PPFIBP2: variants seen among roughly 807,000 people sequenced by gnomAD.
PPFIBP2 encodes the protein liprin-beta-2.
In PPFIBP2, 118 loss-of-function variants were observed where a neutral mutation model predicts 118.3. The observed-to-expected ratio is 1.00, with a 90% CI of 0.86 to 1.16. The LOEUF (loss-of-function observed/expected upper bound fraction) is 1.16. Among genes scored for constraint, PPFIBP2 ranks in the 50% most tolerant of loss-of-function variants. The probability of loss-of-function intolerance (pLI) is 0.00; values close to 1 mark genes in which losing one functional copy is unlikely to be tolerated. For synonymous variants in PPFIBP2, 414 were observed against 397.4 expected (o/e 1.04, Z -0.50); for missense variants, 1,195 against 1,073.1 (o/e 1.11, Z -1.59).
At chr11:7,529,111 G>A (rs1850465518) in intron 1 of PPFIBP2, among the ~76,000 whole-genome samples, 1 of 151,992 alleles carries the variant, frequency 6.6e-6, no homozygotes, top group Non-Finnish European at 1.5e-5. Flanking sequence ...AGTTGGGGGA[G>A]CATCTGGGCT....
At chr11:7,601,443 G>A (rs1302543265) in intron 5 of PPFIBP2, among the ~76,000 whole-genome samples, 3 of 152,174 alleles carry the variant, frequency 2.0e-5, no homozygotes, top group Non-Finnish European at 4.4e-5. Context: ...GATGTGGGAT[G>A]GGAAGGGAAC....
downstream of PPFIBP2, among the ~76,000 whole-genome samples, chr11:7,659,314 T>A (rs1353123435): frequency 6.7e-6 from 1 of 148,786 alleles, no homozygotes; most frequent in African/African-American, 2.5e-5. Context: ...CTTGAATTGA[T>A]TTTTGTATAA....
At chr11:7,546,374 A>G (rs11041435) in intron 1 of PPFIBP2, among the ~76,000 whole-genome samples, 12,967 of 152,238 alleles carry the variant, frequency 0.085, 613 homozygotes, top group South Asian at 0.15. Flanking sequence ...ACCTTGAATC[A>G]TGTTTCACTT....
intron 1 of PPFIBP2, among the ~76,000 whole-genome samples, chr11:7,531,836 A>AT (rs557701843): frequency 2.6e-4 from 39 of 149,238 alleles, no homozygotes; most frequent in African/African-American, 5.9e-4. Flanking sequence ...TTTTTTATTA[A>AT]TTTTTTTTTT....
intron 1 of PPFIBP2, among the ~76,000 whole-genome samples, chr11:7,520,010 G>C (rs969625673): frequency 2.0e-5 from 3 of 152,178 alleles, no homozygotes; most frequent in Non-Finnish European, 4.4e-5. Context: ...TTCCAGCATA[G>C]AGGGGTAGGT....
rs143867932 is a variant in PPFIBP2, at chr11:7,600,784, T to A, written c.486+3111T>A. On this transcript the variant is annotated intron_variant, in intron 5 of 23. Coordinates refer to ENST00000299492, the MANE Select transcript of PPFIBP2 (RefSeq NM_003621.5). Reference sequence around the variant, plus strand: ...CTGTTCTACTCCAGTTGACTGCCCATGTAGGCCTGGTAATGCTAGATATTC... The same window carrying A: ...CTGTTCTACTCCAGTTGACTGCCCAAGTAGGCCTGGTAATGCTAGATATTC... Among the ~76,000 whole-genome samples, 324 of 152,378 alleles carry A rather than the reference T, an allele frequency of 2.1e-3. 2 individuals are homozygous for A. Among genetic ancestry groups the A allele is most frequent in the African/African-American group, 7.0e-3 (293 of 41,598 alleles).
chr11:7,559,715 ACTTT>A (rs371678500), intron 2 of PPFIBP2, among the ~76,000 whole-genome samples: 7 of 152,194 alleles, frequency 4.6e-5, no homozygotes, highest in African/African-American at 9.6e-5. Flanking sequence ...ACTTTGGGGT[ACTTT>A]CTTTCTATAG....
At chr11:7,594,885 C>G (rs556390796) in intron 4 of PPFIBP2, among the ~76,000 whole-genome samples, 2 of 146,004 alleles carry the variant, frequency 1.4e-5, no homozygotes, top group Non-Finnish European at 3.0e-5. Flanking sequence ...TCACTGTGCT[C>G]CAGCCTGGGC....
At chr11:7,597,449 A>G in intron 4 of PPFIBP2, 111 bp from the exon 5 acceptor site, 1 of 1,536,324 alleles carries the variant, frequency 6.5e-7, no homozygotes, top group Non-Finnish European at 8.8e-7. Context: ...AAAATCGTTC[A>G]CTGTGTGTAA....
At chr11:7,597,779 C>A in intron 5 of PPFIBP2, 106 bp downstream of exon 5, 2 of 953,608 alleles carry the variant, frequency 2.1e-6, no homozygotes, top group Non-Finnish European at 3.3e-6. Context: ...TCCCATCCTG[C>A]CTGGGGGCGG....
At chr11:7,593,920 C>G (rs768843911) in intron 4 of PPFIBP2, among the ~76,000 whole-genome samples, 1 of 152,176 alleles carries the variant, frequency 6.6e-6, no homozygotes, top group Non-Finnish European at 1.5e-5. Context: ...ATTGATTAAG[C>G]AAGCATTTAC....
intron 6 of PPFIBP2, among the ~76,000 whole-genome samples, chr11:7,612,726 CA>C (rs1848211480): frequency 6.6e-6 from 1 of 152,198 alleles, no homozygotes; most frequent in Non-Finnish European, 1.5e-5. Flanking sequence ...ATTAGGTTTC[CA>C]CGTGGAGGAA....
Position 7,533,998 on chromosome 11 carries a change from T to C in PPFIBP2, c.-36-15442T>C, listed in dbSNP as rs549580974. Among the ~76,000 whole-genome samples, 4 of 152,230 alleles carry C rather than the reference T, an allele frequency of 2.6e-5. No homozygotes were observed. In the East Asian group the frequency reaches 7.7e-4, roughly 29 times the overall value. On this transcript the variant is annotated intron_variant, in intron 1 of 23. Transcript: ENST00000299492. Reference sequence around the variant, plus strand: ...AGATTGCAGGGAAGTTGGCTAGAGGTAGAAAGCCCAGAGGAAGCAGCTTTT... The same window carrying C: ...AGATTGCAGGGAAGTTGGCTAGAGGCAGAAAGCCCAGAGGAAGCAGCTTTT...
At chr11:7,521,966 A>C (rs980325948) in intron 1 of PPFIBP2, among the ~76,000 whole-genome samples, 9 of 152,200 alleles carry the variant, frequency 5.9e-5, no homozygotes, top group African/African-American at 2.2e-4. Context: ...AGATCATGGA[A>C]GGCCTTGAAA....
At position 7,653,628 on chromosome 11, in the gene PPFIBP2, C is replaced by G. The variant is rs1321513690; in HGVS notation, c.*410C>G. ...GCTCAAGTGCCTTAGGCCCGTGGAC[C>G]ACAGTCTTGGCTGAGATCAAAGGGA... On this transcript the variant is annotated 3_prime_UTR_variant, in exon 24 of 24. Transcript: ENST00000299492. 1.5e-6 allele frequency: 2 copies of G among 1,294,794 alleles called. No individual in the cohort carries two copies. The highest frequency in any genetic ancestry group is 1.2e-5 in the South Asian group (1 of 81,078). The allele number at this position is 1,294,794 out of a possible 1,614,324, so 80.2% of individuals were successfully genotyped here. A position where few individuals can be genotyped will look rare whatever the true frequency, so the allele number is the denominator to read the frequency against.
chr11:7,597,207 C>T (rs1480188475), intron 4 of PPFIBP2: 1 of 1,493,052 alleles, frequency 6.7e-7, no homozygotes, highest in Non-Finnish European at 8.9e-7. Context: ...GCTGGCAAGC[C>T]AGCTGAGATG....
intron 1 of PPFIBP2, among the ~76,000 whole-genome samples, chr11:7,517,146 C>T (rs905390368): frequency 2.6e-5 from 4 of 152,064 alleles, no homozygotes; most frequent in African/African-American, 9.7e-5. Flanking sequence ...AGTGGGATAA[C>T]ACAGGGGAGA....
chr11:7,604,546 TAC>T (rs1183879395), intron 5 of PPFIBP2, among the ~76,000 whole-genome samples: 1 of 142,422 alleles, frequency 7.0e-6, no homozygotes, highest in Non-Finnish European at 1.5e-5. Flanking sequence ...CACCCAGCCA[TAC>T]ACACACACAC....
At chr11:7,645,026 CAAAAAAAAAAAAAAAAAAA>C (rs57087700) in intron 17 of PPFIBP2, among the ~76,000 whole-genome samples, 1 of 81,814 alleles carries the variant, frequency 1.2e-5, no homozygotes. Flanking sequence ...GACTCCGTCT[CAAAAAAAAAAAAAAAAAAA>C]AAAAAAAAAA....
Sources: allele counts gnomAD v4.1 joint callset (sites outside exome capture counted in the v4.1 genomes callset), GRCh38; gene constraint gnomAD v4.1.1; transcripts MANE v1.5; gene names NCBI Gene and HGNC (gene_info 2026-07-23, HGNC 2026-07-21).